The following RBMS3 variants were observed in gnomAD, a reference collection of about 807,000 sequenced individuals.
RBMS3 encodes the protein RNA-binding motif, single-stranded-interacting protein 3.
A neutral mutation model predicts 66.8 loss-of-function variants in RBMS3; 27 were observed. The ratio of observed to expected loss-of-function variants is 0.40; its 90% CI spans 0.30 to 0.56. RBMS3 has a LOEUF of 0.56. Ranked by LOEUF, RBMS3 falls within the 20% of genes least tolerant of loss-of-function variation. The pLI is 0.40. For synonymous variants in RBMS3, 188 were observed against 183.0 expected, an observed-to-expected ratio of 1.03 and a Z score of -0.22; for missense variants, 513 against 549.5, an observed-to-expected ratio of 0.93 and a Z score of 0.66.
At chr3:29,866,677 C>T (rs1298784414) in intron 6 of RBMS3, among the ~76,000 whole-genome samples, 1 of 152,126 alleles carries the variant, frequency 6.6e-6, no homozygotes, top group Non-Finnish European at 1.5e-5. Flanking sequence ...GCAATGATTG[C>T]ATTTAGCATT....
chr3:29,744,070 A>C (rs1030598029), intron 5 of RBMS3, among the ~76,000 whole-genome samples: 2 of 151,266 alleles, frequency 1.3e-5, no homozygotes, highest in Non-Finnish European at 2.9e-5. Context: ...TGATATGGGA[A>C]CCACCCTTTG....
chr3:30,002,119 G>T (rs1266962696), intron 14 of RBMS3, among the ~76,000 whole-genome samples: 1 of 151,954 alleles, frequency 6.6e-6, no homozygotes. Context: ...GCAAATTATG[G>T]GAGAGGGCTA....
At position 29,919,936 on chromosome 3, in the gene RBMS3, T is replaced by A. The variant is rs562723128; in HGVS notation, c.940-16150T>A. Among the ~76,000 whole-genome samples the A allele has an allele frequency of 2.5e-4, 38 of 152,334 alleles. No individual in the cohort carries two copies. The South Asian group carries it at 7.9e-3, about 32-fold the overall frequency. Reference sequence around the variant, plus strand: ...GATTTTAAGGAAAATAATTATGAAATAATTTGGTAGATATAATATGATTTT... The same window carrying A: ...GATTTTAAGGAAAATAATTATGAAAAAATTTGGTAGATATAATATGATTTT... On this transcript the variant is annotated intron_variant, in intron 10 of 14. Transcript: ENST00000383767.
rs1699726567 is a variant in RBMS3, at chr3:30,003,974, T to C, written c.*112T>C. On this transcript the variant is annotated 3_prime_UTR_variant, in exon 15 of 15. Coordinates refer to ENST00000383767, the MANE Select transcript of RBMS3 (RefSeq NM_001003793.3). ...GTCAATGGAATGCATTTTTTTGTTG[T>C]TGTTGTTGTTTTTTTTTTAGTGTTA... is the stretch of plus-strand genomic sequence containing the variant. 5.1e-6 allele frequency: 5 copies of C among 975,002 alleles called. No homozygotes were observed. Among genetic ancestry groups the C allele is most frequent in the Admixed American group, 3.1e-5 (1 of 32,776 alleles). 60.4% of individuals were successfully genotyped at this position (975,002 alleles called of 1,614,324 possible). A position where few individuals can be genotyped will look rare whatever the true frequency, so the allele number is the denominator to read the frequency against.
chr3:29,343,521 C>G (rs2036401089), intron 1 of RBMS3, among the ~76,000 whole-genome samples: 1 of 151,788 alleles, frequency 6.6e-6, no homozygotes, highest in South Asian at 2.1e-4. Context: ...AAATAGACGG[C>G]TAATATTTTA....
chr3:29,988,119 G>A lies in RBMS3; in HGVS notation c.1099-24G>A, dbSNP rs750904092. On this transcript the variant is annotated intron_variant, in intron 12 of 14. Transcript: ENST00000383767. ...ACTGGTTGCAGCTCAAAGTTCACATGCATTTTTCTTTGATTCTCTCTAGTA... is the reference window on the plus strand; with the variant it reads ...ACTGGTTGCAGCTCAAAGTTCACATACATTTTTCTTTGATTCTCTCTAGTA... The A allele has an allele frequency of 2.2e-5, 34 of 1,565,764 alleles. 1 individual carries two copies. The South Asian group carries it at 3.6e-4, about 16-fold the overall frequency.
At chr3:29,578,790 C>CTTTTTTTTTTTT (rs1185861167) in intron 3 of RBMS3, among the ~76,000 whole-genome samples, 18 of 101,062 alleles carry the variant, frequency 1.8e-4, no homozygotes, top group East Asian at 1.2e-3. Context: ...ATACATGCTT[C>CTTTTTTTTTTTT]TTTTTTTTTT....
At chr3:29,332,157 C>T (rs912726065) in intron 1 of RBMS3, among the ~76,000 whole-genome samples, 3 of 152,058 alleles carry the variant, frequency 2.0e-5, no homozygotes, top group Non-Finnish European at 4.4e-5. Flanking sequence ...TTTATTCAGC[C>T]CAGCTCTGAA....
chr3:29,323,312 G>T (rs2035119746), intron 1 of RBMS3, among the ~76,000 whole-genome samples: 1 of 151,818 alleles, frequency 6.6e-6, no homozygotes, highest in Non-Finnish European at 1.5e-5. Context: ...ATTTTTTTGG[G>T]TAATAACAAT....
chr3:29,368,538 A>G (rs2038027283), intron 1 of RBMS3, among the ~76,000 whole-genome samples: 1 of 151,736 alleles, frequency 6.6e-6, no homozygotes, highest in Non-Finnish European at 1.5e-5. Flanking sequence ...ATCACTACTG[A>G]AAAATGAGAG....
At chr3:29,524,912 G>A (rs1186517118) in intron 3 of RBMS3, among the ~76,000 whole-genome samples, 2 of 151,932 alleles carry the variant, frequency 1.3e-5, no homozygotes, top group Non-Finnish European at 2.9e-5. Flanking sequence ...TTAATTAGCT[G>A]GCATGGTGGT....
intron 4 of RBMS3, among the ~76,000 whole-genome samples, chr3:29,597,681 C>A (rs1202479976): frequency 6.6e-6 from 1 of 152,038 alleles, no homozygotes; most frequent in Non-Finnish European, 1.5e-5. Flanking sequence ...GAATATTCAA[C>A]TTTAGAAAAT....
rs149067684 is a variant in RBMS3, at chr3:29,776,334, A to G, written c.637+13345A>G. ...TGCTGCTGTCTCTTTTTTACGTTTT[A>G]ACTTGAACAAGTTATTTAGCGTCTT... On this transcript the variant is annotated intron_variant, in intron 6 of 14. Coordinates refer to ENST00000383767, the MANE Select transcript of RBMS3 (RefSeq NM_001003793.3). 4.4e-3 allele frequency among the ~76,000 whole-genome samples: 670 copies of G among 152,000 alleles called. 6 individuals carry two copies. The highest frequency in any genetic ancestry group is 0.016 in the African/African-American group (645 of 41,512).
intron 4 of RBMS3, chr3:29,698,541 G>A (rs886212724): frequency 7.4e-5 from 73 of 985,156 alleles, no homozygotes; most frequent in South Asian, 3.8e-4. Context: ...TCAAGATGGC[G>A]GATTCAATGA....
At chr3:29,789,743 T>A (rs551010083) in intron 6 of RBMS3, among the ~76,000 whole-genome samples, 1 of 152,150 alleles carries the variant, frequency 6.6e-6, no homozygotes, top group South Asian at 2.1e-4. Flanking sequence ...TTAAAATTTA[T>A]ATTTTACCTG....
intron 3 of RBMS3, among the ~76,000 whole-genome samples, chr3:29,578,089 A>G (rs935891252): frequency 6.6e-6 from 1 of 152,212 alleles, no homozygotes; most frequent in African/African-American, 2.4e-5. Flanking sequence ...TTTTGATTTT[A>G]TAATTTGTGA....
At chr3:29,842,647 T>C (rs1407421198) in intron 6 of RBMS3, among the ~76,000 whole-genome samples, 2 of 152,206 alleles carry the variant, frequency 1.3e-5, no homozygotes, top group East Asian at 3.9e-4. Flanking sequence ...CGTGTGAATA[T>C]CTTGCCTTAC....
At chr3:29,579,872 C>T (rs892333005) in intron 3 of RBMS3, among the ~76,000 whole-genome samples, 1 of 152,190 alleles carries the variant, frequency 6.6e-6, no homozygotes, top group South Asian at 2.1e-4. Flanking sequence ...TTTCTTTAAT[C>T]TCGATAAAGC....
chr3:29,870,314 C>G (rs2059459428), intron 7 of RBMS3, among the ~76,000 whole-genome samples: 1 of 152,016 alleles, frequency 6.6e-6, no homozygotes, highest in African/African-American at 2.4e-5. Context: ...ACCAAACACC[C>G]ATTATCTAAA....
Sources: gnomAD v4.1 joint callset for allele counts (sites outside exome capture counted in the v4.1 genomes callset) on GRCh38, gnomAD v4.1.1 for gene constraint, MANE v1.5 for transcripts, NCBI Gene and HGNC (gene_info 2026-07-23, HGNC 2026-07-21) for gene names.